The following RBM44 variants were observed in gnomAD, a reference collection of about 807,000 sequenced individuals.
RBM44 encodes the protein RNA-binding protein 44.
In RBM44, 66 loss-of-function variants were observed where a neutral mutation model predicts 105.1. That is an observed-to-expected ratio of 0.63 (90% CI 0.52 to 0.77). The LOEUF (loss-of-function observed/expected upper bound fraction) is 0.77, where lower values mean the gene tolerates loss of function less well. Ranked by LOEUF, RBM44 falls within the 30% of genes least tolerant of loss-of-function variation. The pLI is 0.00. For synonymous variants in RBM44, 365 were observed against 417.6 expected (o/e 0.87, Z 1.54); for missense variants, 1,122 against 1,207.8 (o/e 0.93, Z 1.05).
chr2:237,821,985 T>C (rs575318034), intron 8 of RBM44, among the ~76,000 whole-genome samples, 158 bp downstream of exon 8: 246 of 152,168 alleles, frequency 1.6e-3, no homozygotes, highest in Admixed American at 2.7e-3. Flanking sequence ...AATGATATAT[T>C]TATGTCGAAT....
chr2:237,841,787 A>C lies in RBM44; in HGVS notation c.*23-52A>C, dbSNP rs1275183629. On this transcript the variant is annotated intron_variant, in intron 15 of 15. Coordinates refer to ENST00000316997, the MANE Select transcript of RBM44 (RefSeq NM_001080504.3). This position sits in a 1 kb window ranked among gnomAD's most constrained non-coding sequence, Gnocchi z 4.5. ...CAATCAAGTGTCTAGGAATGTACTTAACAAAAGATACTCAACAATCATTGT... is the reference window on the plus strand; with the variant it reads ...CAATCAAGTGTCTAGGAATGTACTTCACAAAAGATACTCAACAATCATTGT... 6.6e-6 allele frequency: 1 copy of C among 152,190 alleles called. No homozygotes were observed. The highest frequency in any genetic ancestry group is 1.5e-5 in the Non-Finnish European group (1 of 68,006). 9.4% of individuals were successfully genotyped at this position (152,190 alleles called of 1,614,324 possible). A position where few individuals can be genotyped will look rare whatever the true frequency, so the allele number is the denominator to read the frequency against.
chr2:237,819,595 G>T (rs940954201), intron 4 of RBM44, among the ~76,000 whole-genome samples: 3 of 151,886 alleles, frequency 2.0e-5, no homozygotes, highest in Non-Finnish European at 4.4e-5. Flanking sequence ...GCTAGAAGTG[G>T]CAATTAGTAA....
In RBM44 at chr2:237,813,644, G is replaced by GA; in HGVS notation, c.35_36insA (p.Lys13Ter). On this transcript the variant is annotated frameshift_variant, in exon 2 of 16. Transcript: ENST00000316997. LOFTEE classifies it high-confidence loss of function. ...ACTGCAGTGGTGGAGACAGCATCTG[G>GA]TAAAGGCTACCACAGTAATGGAGGC... 6.2e-7 allele frequency: 1 copy of GA among 1,611,772 alleles called. No homozygotes were observed. Among genetic ancestry groups the GA allele is most frequent in the Non-Finnish European group, 8.5e-7 (1 of 1,178,160 alleles).
intron 15 of RBM44, among the ~76,000 whole-genome samples, chr2:237,838,377 C>T (rs759767026): frequency 6.6e-6 from 1 of 152,090 alleles, no homozygotes. Context: ...AAGCCCTACT[C>T]TAAAGAAAAT....
Position 237,836,557 on chromosome 2 carries a change from G to A in RBM44, c.*22+2134G>A, listed in dbSNP as rs566489722. ...AGCACTTTGGGAGGCCGAGGCGGGTGGATCACAAGGTCAAGAGATCGAGAC... is the reference window on the plus strand; with the variant it reads ...AGCACTTTGGGAGGCCGAGGCGGGTAGATCACAAGGTCAAGAGATCGAGAC... On this transcript the variant is annotated intron_variant, in intron 15 of 15. Coordinates refer to ENST00000316997, the MANE Select transcript of RBM44 (RefSeq NM_001080504.3). Among the ~76,000 whole-genome samples the A allele has an allele frequency of 5.9e-4, 90 of 152,200 alleles. 1 individual carries two copies. The East Asian group carries it at 0.014, about 23-fold the overall frequency.
intron 10 of RBM44, among the ~76,000 whole-genome samples, chr2:237,825,136 T>A (rs916727534): frequency 1.3e-5 from 2 of 152,204 alleles, no homozygotes; most frequent in Admixed American, 1.3e-4. Flanking sequence ...TGACCATTTT[T>A]ATGCATTTTC....
chr2:237,802,594 A>G lies in RBM44; in HGVS notation c.-19+3733A>G, dbSNP rs1238454410. 3.9e-5 allele frequency among the ~76,000 whole-genome samples: 6 copies of G among 152,196 alleles called. No homozygotes were observed. The East Asian group carries it at 9.6e-4, about 24-fold the overall frequency. On this transcript the variant is annotated intron_variant, in intron 1 of 15. Coordinates refer to ENST00000316997, the MANE Select transcript of RBM44 (RefSeq NM_001080504.3). ...TTAATGAGCGCCCTAAGTGATTCTT[A>G]TATCAGGTAAGTTTGGGAAAACATA...
chr2:237,840,804 C>G (rs1052690788), intron 15 of RBM44, among the ~76,000 whole-genome samples: 1 of 152,118 alleles, frequency 6.6e-6, no homozygotes, highest in African/African-American at 2.4e-5. Context: ...ACGTGGCCAA[C>G]AAGCATATGA....
rs1290674753 is a variant in RBM44 at position 237,823,520 on chromosome 2, T to G, written c.2286T>G (p.Asn762Lys). 6.5e-7 allele frequency: 1 copy of G among 1,532,322 alleles called. No individual in the cohort carries two copies. Among genetic ancestry groups the G allele is most frequent in the Non-Finnish European group, 8.9e-7 (1 of 1,128,236 alleles). 94.9% of individuals were successfully genotyped at this position (1,532,322 alleles called of 1,614,324 possible). Residue 762 changes from asparagine (N) to lysine (K), a missense_variant, in exon 9 of 16, where the codon AAT (asparagine) becomes AAG (lysine). Physicochemically the swap from Asn to Lys is moderately conservative, Grantham distance 94 (BLOSUM62 0). Coordinates refer to ENST00000316997, the MANE Select transcript of RBM44 (RefSeq NM_001080504.3). ...KKDDFKNGDI[N>K]ADFSQLKLGD... Reference sequence around the variant, plus strand: ...ATGACTTTAAAAATGGTGATATAAATGCAGACTTTAGTCAACTGAAACTTG... The same window carrying G: ...ATGACTTTAAAAATGGTGATATAAAGGCAGACTTTAGTCAACTGAAACTTG...
In RBM44 at chr2:237,817,536, C is replaced by T; in HGVS notation, c.617C>T (p.Thr206Ile). 1 of 1,610,864 alleles carries T rather than the reference C, an allele frequency of 6.2e-7. No homozygotes were observed. Among genetic ancestry groups the T allele is most frequent in the South Asian group, 1.1e-5 (1 of 90,754 alleles). Residue 206 changes from threonine (T) to isoleucine (I), a missense_variant, in exon 3 of 16, where the codon ACA (threonine) becomes ATA (isoleucine). Coordinates refer to ENST00000316997, the MANE Select transcript of RBM44 (RefSeq NM_001080504.3). ...YISNHLSFDQTKALDISNPEV... is the reference protein window; with the variant it reads ...YISNHLSFDQIKALDISNPEV... The stretch of plus-strand genomic sequence containing the variant: ...AGTAACCATTTATCTTTTGACCAAA[C>T]AAAAGCATTAGATATATCTAATCCA...
In RBM44 at chr2:237,841,929, GCT is replaced by G. The variant is rs2062015183; in HGVS notation, c.*116_*117del. ...ATAACAAGATGATGTAATTAAATAGGCTCTATAAATGGGCTAAGCTGTTAAAA... is the reference window on the plus strand; with the variant it reads ...ATAACAAGATGATGTAATTAAATAGGCTATAAATGGGCTAAGCTGTTAAAA... On this transcript the variant is annotated 3_prime_UTR_variant, in exon 16 of 16. Transcript: ENST00000316997. This position sits in a 1 kb window ranked among gnomAD's most constrained non-coding sequence, Gnocchi z 4.5. 1 of 151,984 alleles carries G rather than the reference GCT, an allele frequency of 6.6e-6. No individual in the cohort carries two copies. Among genetic ancestry groups the G allele is most frequent in the Non-Finnish European group, 1.5e-5 (1 of 67,954 alleles). The allele number at this position is 151,984 out of a possible 1,614,324, so 9.4% of individuals were successfully genotyped here. A position where few individuals can be genotyped will look rare whatever the true frequency, so the allele number is the denominator to read the frequency against.
At position 237,834,143 on chromosome 2, in the gene RBM44, G is replaced by A; in HGVS notation, c.3032+1G>A. The A allele has an allele frequency of 6.4e-7, 1 of 1,556,012 alleles. No homozygotes were observed. Among genetic ancestry groups the A allele is most frequent in the Non-Finnish European group, 8.7e-7 (1 of 1,152,362 alleles). ...CTGAACTGCATCCAGAAGTCAGCAG[G>A]TAATAACCAAAATTATATTTTAACT... On this transcript the variant is annotated splice_donor_variant, in intron 14 of 15. Coordinates refer to ENST00000316997, the MANE Select transcript of RBM44 (RefSeq NM_001080504.3). LOFTEE classifies it high-confidence loss of function.
rs2061882233 is a variant in RBM44, at chr2:237,829,465, G to A, written c.2849G>A (p.Gly950Asp). The change falls in exon 13 of 16, where the codon GGT (glycine) becomes GAT (aspartate). Residue 950 changes from glycine (G) to aspartate (D), a missense_variant. Gly to Asp is a moderately conservative substitution (Grantham distance 94, BLOSUM62 -1). Transcript: ENST00000316997. ...RLPRTRPRQL[G>D]SEQDSEVFPS... ...CCCAGAACTAGGCCACGGCAGCTGG[G>A]TTCTGAGCAAGACAGTGAGGTTTTC... is the stretch of plus-strand genomic sequence containing the variant. The A allele has an allele frequency of 7.4e-6, 12 of 1,613,608 alleles. No homozygotes were observed. Among genetic ancestry groups the A allele is most frequent in the Non-Finnish European group, 1.0e-5 (12 of 1,179,654 alleles).
intron 13 of RBM44, among the ~76,000 whole-genome samples, chr2:237,833,550 T>A (rs2061923240): frequency 6.6e-6 from 1 of 152,226 alleles, no homozygotes; most frequent in African/African-American, 2.4e-5. Context: ...ATATCTCTAA[T>A]TACTGTGTAG....
At chr2:237,806,731 C>T (rs2061602594) in intron 1 of RBM44, among the ~76,000 whole-genome samples, 1 of 152,196 alleles carries the variant, frequency 6.6e-6, no homozygotes, top group Non-Finnish European at 1.5e-5. Flanking sequence ...CCCCTTGAGA[C>T]TTGTCAAACA....
At chr2:237,828,189 CAA>C (rs2061867381) in intron 12 of RBM44, among the ~76,000 whole-genome samples, 1 of 152,068 alleles carries the variant, frequency 6.6e-6, no homozygotes, top group South Asian at 2.1e-4. Context: ...TATTAAATAA[CAA>C]TGGCGATAGC....
At chr2:237,837,587 T>A (rs2150991814) in intron 15 of RBM44, among the ~76,000 whole-genome samples, 1 of 152,352 alleles carries the variant, frequency 6.6e-6, no homozygotes, top group East Asian at 1.9e-4. Flanking sequence ...CCTGAAGATG[T>A]GACTGAATTG....
At chr2:237,807,658 C>T (rs1402076457) in intron 1 of RBM44, among the ~76,000 whole-genome samples, 1 of 152,114 alleles carries the variant, frequency 6.6e-6, no homozygotes, top group African/African-American at 2.4e-5. Context: ...AGTAAGAGGA[C>T]AAAAGTCAGA....
chr2:237,803,932 G>A lies in RBM44; in HGVS notation c.-19+5071G>A, dbSNP rs2061572826. Among the ~76,000 whole-genome samples, 2 of 151,402 alleles carry A rather than the reference G, an allele frequency of 1.3e-5. No homozygotes were observed. Among genetic ancestry groups the A allele is most frequent in the South Asian group, 2.1e-4 (1 of 4,786 alleles). ...AGACAGAGTCTTGCTTTGTCACCCA[G>A]GCTGGGGTACAGTGGCGCAATCTCA... On this transcript the variant is annotated intron_variant, in intron 1 of 15. Transcript: ENST00000316997. This position sits in a 1 kb window ranked among gnomAD's most constrained non-coding sequence, Gnocchi z 4.2.
Sources: gnomAD v4.1 joint callset for allele counts (sites outside exome capture counted in the v4.1 genomes callset) on GRCh38, gnomAD v4.1.1 for gene constraint, Gnocchi (gnomAD v3.1) non-coding constraint, MANE v1.5 for transcripts, NCBI Gene and HGNC (gene_info 2026-07-23, HGNC 2026-07-21) for gene names.